CNTN6: variants seen among roughly 807,000 people sequenced by gnomAD.
The protein encoded by CNTN6 is contactin 6, also known as contactin-6.
A neutral mutation model predicts 122.8 loss-of-function variants in CNTN6; 137 were observed. That is an observed-to-expected ratio of 1.12 (90% CI 0.97 to 1.29). The LOEUF (loss-of-function observed/expected upper bound fraction) is 1.29, where lower values mean the gene tolerates loss of function less well. CNTN6 is among the 50% of genes most tolerant of loss of function. The probability of loss-of-function intolerance (pLI) is 0.00; values close to 1 mark genes in which losing one functional copy is unlikely to be tolerated. For missense variants in CNTN6, 1,634 were observed against 1,223.4 expected (o/e 1.34, Z -5.01); for synonymous variants, 570 against 426.0 (o/e 1.34, Z -4.16).
At chr3:1,157,934 G>T (rs1412802923) in intron 2 of CNTN6, among the ~76,000 whole-genome samples, 1 of 152,084 alleles carries the variant, frequency 6.6e-6, no homozygotes, top group Non-Finnish European at 1.5e-5. Context: ...TTTGGCTATT[G>T]TGAATAGTGC....
At chr3:1,295,494 A>G (rs1696054842) in intron 5 of CNTN6, 107 bp from the exon 6 acceptor site, 1 of 881,714 alleles carries the variant, frequency 1.1e-6, no homozygotes, top group Non-Finnish European at 1.7e-6. Context: ...TAGAGGCACA[A>G]TTTTCTCCTA....
chr3:1,161,481 TG>T (rs1049110544), intron 2 of CNTN6, among the ~76,000 whole-genome samples: 4 of 151,464 alleles, frequency 2.6e-5, no homozygotes, highest in African/African-American at 9.7e-5. Context: ...TTTTTAATTG[TG>T]GGCTACACAT....
chr3:1,140,607 C>T (rs912656204), intron 1 of CNTN6, among the ~76,000 whole-genome samples: 2 of 152,090 alleles, frequency 1.3e-5, no homozygotes, highest in Non-Finnish European at 2.9e-5. Context: ...TTTCTTCACA[C>T]TAGTATCTTT....
At chr3:1,384,754 T>G (rs1003962251) in intron 19 of CNTN6, among the ~76,000 whole-genome samples, 2 of 135,174 alleles carry the variant, frequency 1.5e-5, no homozygotes, top group Non-Finnish European at 3.1e-5. Flanking sequence ...TATACACATA[T>G]ATATACATAT....
Position 1,136,316 on chromosome 3 carries a change from G to T in CNTN6, c.-82-11611G>T, listed in dbSNP as rs368067113. Among the ~76,000 whole-genome samples the T allele has an allele frequency of 1.2e-4, 19 of 152,200 alleles. No individual in the cohort carries two copies. The South Asian group carries it at 3.7e-3, about 30-fold the overall frequency. ...ACACGATTAGGACTCTAAGACCTCT[G>T]TTATTCTTGTCCATGGCTCTTTCCC... On this transcript the variant is annotated intron_variant, in intron 1 of 22. Transcript: ENST00000446702.
intron 2 of CNTN6, among the ~76,000 whole-genome samples, chr3:1,212,848 A>G (rs1174387704): frequency 6.6e-6 from 1 of 152,158 alleles, no homozygotes; most frequent in Non-Finnish European, 1.5e-5. Context: ...CAATTTACCA[A>G]AAGATATTAA....
chr3:1,372,800 G>C, intron 13 of CNTN6, 38 bp from the exon 14 acceptor site: 1 of 1,260,574 alleles, frequency 7.9e-7, no homozygotes, highest in East Asian at 2.3e-5. Context: ...TGTTATATGG[G>C]CTTACGTTTT....
At chr3:1,348,608 G>A (rs1186192010) in intron 11 of CNTN6, among the ~76,000 whole-genome samples, 1 of 151,946 alleles carries the variant, frequency 6.6e-6, no homozygotes, top group Admixed American at 6.6e-5. Context: ...ATATGTACAT[G>A]CACATATAGC....
At chr3:1,272,884 C>T (rs1054872999) in intron 4 of CNTN6, among the ~76,000 whole-genome samples, 3 of 152,210 alleles carry the variant, frequency 2.0e-5, no homozygotes, top group African/African-American at 2.4e-5. Context: ...TTAGATGTTA[C>T]AATACTTGTA....
At chr3:1,164,253 C>T (rs76816439) in intron 2 of CNTN6, among the ~76,000 whole-genome samples, 1,863 of 152,346 alleles carry the variant, frequency 0.012, 52 homozygotes, top group African/African-American at 0.043. Flanking sequence ...GGCAACAGTT[C>T]ACAAACGCTT....
chr3:1,337,590 C>T (rs1049710735), intron 11 of CNTN6, among the ~76,000 whole-genome samples: 2 of 152,106 alleles, frequency 1.3e-5, no homozygotes, highest in Non-Finnish European at 2.9e-5. Flanking sequence ...GTGCTTAGTA[C>T]GTCAGGTAGC....
chr3:1,341,158 C>T (rs1421516304), intron 11 of CNTN6, among the ~76,000 whole-genome samples: 1 of 151,418 alleles, frequency 6.6e-6, no homozygotes, highest in African/African-American at 2.4e-5. Flanking sequence ...GTGTTCTCCT[C>T]TAGTAACTTT....
chr3:1,265,457 T>A (rs553473867), intron 4 of CNTN6, among the ~76,000 whole-genome samples: 1 of 152,346 alleles, frequency 6.6e-6, no homozygotes, highest in Admixed American at 6.5e-5. Context: ...CCATCCTGGT[T>A]CTTACTCAAG....
At chr3:1,393,349 T>C (rs1158021350) in intron 20 of CNTN6, among the ~76,000 whole-genome samples, 8 of 112,000 alleles carry the variant, frequency 7.1e-5, no homozygotes, top group African/African-American at 2.8e-4. Context: ...TAGGTGGGAA[T>C]TGAACAATGA....
At chr3:1,172,233 C>T (rs1012863796) in intron 2 of CNTN6, among the ~76,000 whole-genome samples, 5 of 152,184 alleles carry the variant, frequency 3.3e-5, no homozygotes, top group African/African-American at 1.2e-4. Context: ...AACCCCAGTT[C>T]TCTCTTTTAT....
chr3:1,106,448 C>G (rs115516185), intron 1 of CNTN6, among the ~76,000 whole-genome samples: 1 of 151,766 alleles, frequency 6.6e-6, no homozygotes, highest in Non-Finnish European at 1.5e-5. Context: ...TGGAACAAAC[C>G]TGTGTTTGAT....
intron 2 of CNTN6, among the ~76,000 whole-genome samples, chr3:1,182,376 G>A (rs568727967): frequency 7.9e-5 from 12 of 152,246 alleles, no homozygotes; most frequent in South Asian, 4.2e-4. Context: ...AAATCATGGA[G>A]GTGAGGATAC....
chr3:1,198,601 A>G (rs1009053018), intron 2 of CNTN6, among the ~76,000 whole-genome samples: 2 of 152,118 alleles, frequency 1.3e-5, no homozygotes, highest in South Asian at 2.1e-4. Context: ...GCATGCTTGT[A>G]ATCCCTGCTA....
intron 4 of CNTN6, among the ~76,000 whole-genome samples, chr3:1,251,915 T>A (rs2094677584): frequency 6.6e-6 from 1 of 152,190 alleles, no homozygotes; most frequent in African/African-American, 2.4e-5. Flanking sequence ...TGAGCCAGGA[T>A]GGACTTTGGC....
Sources: gnomAD v4.1 joint callset for allele counts (sites outside exome capture counted in the v4.1 genomes callset) on GRCh38, gnomAD v4.1.1 for gene constraint, MANE v1.5 for transcripts, NCBI Gene and HGNC (gene_info 2026-07-23, HGNC 2026-07-21) for gene names.